The following USP9Y variants were observed in gnomAD, a reference collection of about 807,000 sequenced individuals.
USP9Y encodes ubiquitin specific peptidase 9 Y-linked.
USP9Y carries 41 observed loss-of-function variants against 53.1 expected under a neutral mutation model. The ratio of observed to expected loss-of-function variants is 0.77; its 90% CI spans 0.60 to 1.00. USP9Y has a LOEUF of 1.00. Among genes scored for constraint, USP9Y ranks in the 50% least tolerant of loss-of-function variants. The probability of loss-of-function intolerance (pLI) is 0.00; values close to 1 mark genes in which losing one functional copy is unlikely to be tolerated. For synonymous variants in USP9Y, 220 were observed against 173.7 expected, an observed-to-expected ratio of 1.27 and a Z score of -2.09; for missense variants, 567 against 535.8, an observed-to-expected ratio of 1.06 and a Z score of -0.58.
At chrY:12,708,348 T>C (rs2053421281) in intron 1 of USP9Y, among the ~76,000 whole-genome samples, 1 of 33,304 alleles carries the variant, frequency 3.0e-5, no homozygotes, top group Non-Finnish European at 7.4e-5. Context: ...TAAGATTCTT[T>C]GAATATACTG....
chrY:12,793,046 C>T lies in USP9Y; in HGVS notation c.3828C>T (p.Ser1276=). The change falls in exon 27 of 46, where the codon AGC becomes AGT. Residue 1276 remains serine, a synonymous_variant. Coordinates refer to ENST00000338981, the MANE Select transcript of USP9Y (RefSeq NM_004654.4). Reference sequence around the variant, plus strand: ...TAATTTTGCAGACCACCAATGGAAGCAATAAGCTGGAGGTGGAAGATGAAC... The same window carrying T: ...TAATTTTGCAGACCACCAATGGAAGTAATAAGCTGGAGGTGGAAGATGAAC... ...TKIYQMTTNG[S]NKLEVEDEQV... 2 of 398,635 alleles carry T rather than the reference C, an allele frequency of 5.0e-6. No homozygotes were observed.
At position 12,812,822 on chromosome Y, in the gene USP9Y, C is replaced by T. The variant is rs2053532395; in HGVS notation, c.4387-8C>T. 1 of 372,128 alleles carries T rather than the reference C, an allele frequency of 2.7e-6. No individual in the cohort carries two copies. The highest frequency in any genetic ancestry group is 3.8e-6 in the Non-Finnish European group (1 of 260,608). 92.8% of individuals were successfully genotyped at this position (372,128 alleles called of 400,897 possible). ...AATAACATGTAATGTCTTTTTCTAA[C>T]TTACTAGGAATTAATTGATGATTTC... On this transcript the variant is annotated splice_region_variant and splice_polypyrimidine_tract_variant and intron_variant, in intron 30 of 45. Transcript: ENST00000338981.
At chrY:12,804,165 C>G in intron 27 of USP9Y, among the ~76,000 whole-genome samples, 1 of 33,268 alleles carries the variant, frequency 3.0e-5, no homozygotes. Context: ...TGTTACTATT[C>G]CCTTTTGTGG....
At chrY:12,742,608 C>A in intron 12 of USP9Y, among the ~76,000 whole-genome samples, 1 of 33,222 alleles carries the variant, frequency 3.0e-5, no homozygotes, top group Non-Finnish European at 7.4e-5. Flanking sequence ...GCTGACTTCA[C>A]CTCTCACTAA....
intron 27 of USP9Y, among the ~76,000 whole-genome samples, chrY:12,797,786 TGTATC>T (rs2053515025): frequency 3.0e-5 from 1 of 33,387 alleles, no homozygotes; most frequent in Non-Finnish European, 7.4e-5. Context: ...TTTTCTTCCT[TGTATC>T]GTAATGTTAT....
chrY:12,792,545 C>T, intron 26 of USP9Y, among the ~76,000 whole-genome samples: 1 of 34,115 alleles, frequency 2.9e-5, no homozygotes, highest in African/African-American at 1.1e-4. Flanking sequence ...ATACAACTTC[C>T]GTTTTAGGAA....
In USP9Y at chrY:12,810,723, C is replaced by T. The variant is rs2053529552; in HGVS notation, c.4144C>T (p.Arg1382Trp). Residue 1382 changes from arginine (R) to tryptophan (W), a missense_variant, in exon 29 of 46, where the codon CGG becomes TGG. By Grantham distance (101) the Arg-to-Trp change is moderately radical. Transcript: ENST00000338981. ...KYSGDYFTLL[R>W]HLLNYAYNGN... ...TTCAGGTGATTATTTCACACTTTTA[C>T]GGCACCTTCTCAATTATGCTTACAA... The T allele has an allele frequency of 7.6e-6, 3 of 393,501 alleles. No homozygotes were observed. Among genetic ancestry groups the T allele is most frequent in the Admixed American group, 7.6e-5 (1 of 13,089 alleles).
intron 3 of USP9Y, among the ~76,000 whole-genome samples, chrY:12,716,097 C>T (rs2053430282): frequency 5.9e-5 from 2 of 33,690 alleles, no homozygotes; most frequent in African/African-American, 2.3e-4. Flanking sequence ...AATGCATTGT[C>T]AGGTGATTTC....
intron 12 of USP9Y, among the ~76,000 whole-genome samples, chrY:12,756,240 T>C (rs1013703404): frequency 9.0e-5 from 3 of 33,225 alleles, no homozygotes; most frequent in East Asian, 7.8e-4. Flanking sequence ...TTAAGAACTT[T>C]AGGGTTTTCA....
intron 44 of USP9Y, 131 bp downstream of exon 44, chrY:12,856,976 TG>T: frequency 1.2e-5 from 2 of 165,690 alleles, no homozygotes; most frequent in Non-Finnish European, 2.1e-5. Flanking sequence ...TTTGCTTTAG[TG>T]GTTAGCTTGA....
chrY:12,834,320 A>G (rs2053553421), intron 34 of USP9Y, among the ~76,000 whole-genome samples: 1 of 32,527 alleles, frequency 3.1e-5, no homozygotes, highest in Non-Finnish European at 7.5e-5. Flanking sequence ...CCTGGCCAAC[A>G]TGGTGAAACC....
At chrY:12,771,641 A>C in intron 16 of USP9Y, among the ~76,000 whole-genome samples, 1 of 33,611 alleles carries the variant, frequency 3.0e-5, no homozygotes, top group Non-Finnish European at 7.4e-5. Context: ...TGTTTTATAA[A>C]ATTTACTGAA....
Position 12,778,003 on chromosome Y carries a change from C to T in USP9Y, c.2640-16C>T. 2 of 367,277 alleles carry T rather than the reference C, an allele frequency of 5.4e-6. No individual in the cohort carries two copies. Among genetic ancestry groups the T allele is most frequent in the East Asian group, 2.1e-4 (2 of 9,572 alleles). 91.6% of individuals were successfully genotyped at this position (367,277 alleles called of 400,897 possible). ...CTTTTTTTAAAATTCTTTTTATTTA[C>T]TTATTTATTTTTCAGAGCATTTCGT... On this transcript the variant is annotated splice_polypyrimidine_tract_variant and intron_variant, in intron 19 of 45. Transcript: ENST00000338981.
chrY:12,738,312 A>G lies in USP9Y; in HGVS notation c.1317+3A>G. On this transcript the variant is annotated splice_donor_region_variant and intron_variant, in intron 11 of 45. Coordinates refer to ENST00000338981, the MANE Select transcript of USP9Y (RefSeq NM_004654.4). ...TTGATAATATCTGGGCAGCACAGGTAAGAAAGTGAGATGATAGCTATTTTC... is the reference window on the plus strand; with the variant it reads ...TTGATAATATCTGGGCAGCACAGGTGAGAAAGTGAGATGATAGCTATTTTC... The G allele has an allele frequency of 2.5e-6, 1 of 396,144 alleles. No individual in the cohort carries two copies.
At chrY:12,854,971 C>G in intron 42 of USP9Y, among the ~76,000 whole-genome samples, 1 of 33,347 alleles carries the variant, frequency 3.0e-5, no homozygotes, top group Admixed American at 2.8e-4. Flanking sequence ...TCATTATAAA[C>G]TGTAAGAGAA....
chrY:12,832,281 ATGTTG>A (rs2053551467), intron 33 of USP9Y, among the ~76,000 whole-genome samples: 1 of 33,733 alleles, frequency 3.0e-5, no homozygotes. Flanking sequence ...TAAAAAGTAA[ATGTTG>A]TGTTGTATTT....
At chrY:12,736,611 C>T in intron 10 of USP9Y, 62 bp downstream of exon 10, 1 of 334,672 alleles carries the variant, frequency 3.0e-6, no homozygotes, top group Non-Finnish European at 4.3e-6. Flanking sequence ...ACATTATTAC[C>T]AATTATTGTT....
intron 33 of USP9Y, among the ~76,000 whole-genome samples, chrY:12,831,853 G>A (rs779572601): frequency 2.4e-4 from 8 of 33,966 alleles, no homozygotes; most frequent in Admixed American, 1.9e-3. Context: ...CTCAAAAGAG[G>A]TAGTGTACAC....
chrY:12,778,908 T>G (rs779824703), intron 21 of USP9Y, among the ~76,000 whole-genome samples, 153 bp downstream of exon 21: 4 of 33,622 alleles, frequency 1.2e-4, no homozygotes, highest in Admixed American at 5.5e-4. Flanking sequence ...TTGTAGGAAT[T>G]TATAATAAAA....
Sources: gnomAD v4.1 joint callset for allele counts (sites outside exome capture counted in the v4.1 genomes callset) on GRCh38, gnomAD v4.1.1 for gene constraint, MANE v1.5 for transcripts, NCBI Gene and HGNC (gene_info 2026-07-23, HGNC 2026-07-21) for gene names.